The following SUFU variants were observed in gnomAD, a reference collection of about 807,000 sequenced individuals.
SUFU encodes the protein SUFU negative regulator of hedgehog signaling, also known as suppressor of fused homolog.
Under a neutral mutation model 58.9 loss-of-function variants are expected in SUFU, and 7 were observed. The observed-to-expected ratio is 0.12, with a 90% CI of 0.07 to 0.22. The LOEUF is 0.22. Ranked by LOEUF, SUFU falls within the 10% of genes least tolerant of loss-of-function variation. The pLI is 1.00. For missense variants in SUFU, 451 were observed against 641.3 expected (o/e 0.70, Z 3.20); for synonymous variants, 232 against 254.8 (o/e 0.91, Z 0.85).
At chr10:102,529,912 TCCA>T in intron 2 of SUFU, among the ~76,000 whole-genome samples, 1 of 148,666 alleles carries the variant, frequency 6.7e-6, no homozygotes, top group East Asian at 2.0e-4. Context: ...GCCACTGCAC[TCCA>T]GCCTAGCGAC....
In SUFU at chr10:102,579,119, T is replaced by TA. The variant is rs139597535; in HGVS notation, c.455-13462dup. On this transcript the variant is annotated intron_variant, in intron 3 of 11. Coordinates refer to ENST00000369902, the MANE Select transcript of SUFU (RefSeq NM_016169.4). Reference sequence around the variant, plus strand: ...TCTAAGGGGTAAGCAAGGACCTGTGTACTTTACAGGTGGGCATAGCATATA... The same window carrying TA: ...TCTAAGGGGTAAGCAAGGACCTGTGTAACTTTACAGGTGGGCATAGCATATA... Among the ~76,000 whole-genome samples, 744 of 152,306 alleles carry TA rather than the reference T, an allele frequency of 4.9e-3. 6 individuals carry two copies. Among genetic ancestry groups the TA allele is most frequent in the African/African-American group, 0.017 (708 of 41,572 alleles).
intron 2 of SUFU, among the ~76,000 whole-genome samples, chr10:102,520,655 T>G (rs1364653672): frequency 6.6e-6 from 1 of 152,210 alleles, no homozygotes; most frequent in Non-Finnish European, 1.5e-5. Context: ...CAACAACTGT[T>G]TGGTTTTTTT....
intron 2 of SUFU, among the ~76,000 whole-genome samples, chr10:102,526,993 G>GTTT (rs34862176): frequency 5.3e-4 from 54 of 102,046 alleles, no homozygotes; most frequent in Non-Finnish European, 6.9e-4. Context: ...TATTATTATT[G>GTTT]TTTTTTTTTT....
At chr10:102,577,704 G>A (rs780375287) in intron 3 of SUFU, among the ~76,000 whole-genome samples, 27 of 146,230 alleles carry the variant, frequency 1.8e-4, no homozygotes, top group Non-Finnish European at 3.5e-4. Flanking sequence ...TTTTTGAGAC[G>A]TAGTCTCGCT....
At position 102,617,073 on chromosome 10, in the gene SUFU, A is replaced by G. The variant is rs2063693786; in HGVS notation, c.1158-217A>G. Among the ~76,000 whole-genome samples the G allele has an allele frequency of 6.6e-6, 1 of 152,248 alleles. No individual in the cohort carries two copies. Among genetic ancestry groups the G allele is most frequent in the Non-Finnish European group, 1.5e-5 (1 of 68,042 alleles). Reference sequence around the variant, plus strand: ...TAGCTTTGAGCACTTTGGAAGGATGATGTTAGAGAACTTGTGAGAGGAGCT... The same window carrying G: ...TAGCTTTGAGCACTTTGGAAGGATGGTGTTAGAGAACTTGTGAGAGGAGCT... On this transcript the variant is annotated intron_variant, in intron 9 of 11. Transcript: ENST00000369902. This position sits in a 1 kb window ranked among gnomAD's most constrained non-coding sequence, Gnocchi z 4.4.
rs998423619 is a variant in SUFU at position 102,628,102 on chromosome 10, T to TG, written c.1365+864dup. Among the ~76,000 whole-genome samples the TG allele has an allele frequency of 1.3e-5, 2 of 152,082 alleles. No individual in the cohort carries two copies. The highest frequency in any genetic ancestry group is 6.5e-5 in the Admixed American group (1 of 15,282). ...TGTCCTGTCTGCCAGGAAATGTGCT[T>TG]GGGGGAGAACTCCTTCGCCTCCCAG... On this transcript the variant is annotated intron_variant, in intron 11 of 11. Transcript: ENST00000369902. The surrounding 1 kb of genome is among the most constrained non-coding windows in gnomAD (Gnocchi z 4.5).
At chr10:102,543,599 C>T (rs1409799136) in intron 2 of SUFU, among the ~76,000 whole-genome samples, 1 of 152,172 alleles carries the variant, frequency 6.6e-6, no homozygotes, top group African/African-American at 2.4e-5. Context: ...ATCCCCACTA[C>T]CCCAGTCCTA....
chr10:102,541,119 G>A (rs1390835761), intron 2 of SUFU, among the ~76,000 whole-genome samples: 2 of 151,702 alleles, frequency 1.3e-5, no homozygotes, highest in Non-Finnish European at 2.9e-5. Flanking sequence ...ATTTCTGTTT[G>A]TATTATATTT....
rs544474795 is a variant in SUFU at position 102,516,704 on chromosome 10, C to T, written c.317+7401C>T. Among the ~76,000 whole-genome samples the T allele has an allele frequency of 7.9e-5, 12 of 151,968 alleles. No individual in the cohort carries two copies. In the East Asian group the frequency reaches 2.0e-3, roughly 25 times the overall value. ...CTGGGATTACAGGTGCCCGCCAACA[C>T]GCCCAGCTAATTTTTGTATTTTTAG... On this transcript the variant is annotated intron_variant, in intron 2 of 11. Transcript: ENST00000369902.
At chr10:102,543,881 G>A (rs1255237959) in intron 2 of SUFU, among the ~76,000 whole-genome samples, 1 of 152,174 alleles carries the variant, frequency 6.6e-6, no homozygotes, top group Non-Finnish European at 1.5e-5. Context: ...TGAGGAAACT[G>A]ACACACAGAA....
chr10:102,594,039 A>C lies in SUFU; in HGVS notation c.730A>C (p.Ile244Leu). The change falls in exon 6 of 12, where the codon ATA becomes CTA. Residue 244 changes from isoleucine to leucine, a missense_variant. Ile to Leu is a conservative substitution (Grantham distance 5, BLOSUM62 2). Transcript: ENST00000369902. ...AACTGACATGCGGAGGGGAGAGACC[A>C]TATTTGAGATCGATCCACACCTGCA... The part of the protein sequence containing the change: ...LITDMRRGET[I>L]FEIDPHLQER... The C allele has an allele frequency of 6.2e-7, 1 of 1,613,572 alleles. No individual in the cohort carries two copies. The highest frequency in any genetic ancestry group is 8.5e-7 in the Non-Finnish European group (1 of 1,179,810).
At chr10:102,541,559 T>G (rs1590010082) in intron 2 of SUFU, among the ~76,000 whole-genome samples, 1 of 150,820 alleles carries the variant, frequency 6.6e-6, no homozygotes, top group East Asian at 2.0e-4. Flanking sequence ...CCACCACGCC[T>G]GGCAAATTTT....
At chr10:102,538,000 A>G (rs2062761097) in intron 2 of SUFU, among the ~76,000 whole-genome samples, 1 of 152,244 alleles carries the variant, frequency 6.6e-6, no homozygotes, top group South Asian at 2.1e-4. Flanking sequence ...CAGCTGTATC[A>G]TCTTACATTT....
intron 3 of SUFU, among the ~76,000 whole-genome samples, chr10:102,550,588 T>C (rs2062902428): frequency 6.6e-6 from 1 of 152,162 alleles, no homozygotes; most frequent in Admixed American, 6.5e-5. Context: ...ACCACCTGCC[T>C]CTGAACTACC....
At chr10:102,620,880 G>A (rs956317623) in intron 10 of SUFU, among the ~76,000 whole-genome samples, 33 of 152,308 alleles carry the variant, frequency 2.2e-4, no homozygotes, top group African/African-American at 7.5e-4. Context: ...AGCCCCAGCG[G>A]TCACATAGGG....
intron 8 of SUFU, among the ~76,000 whole-genome samples, chr10:102,600,211 C>T (rs532214005): frequency 6.6e-6 from 1 of 152,302 alleles, no homozygotes; most frequent in African/African-American, 2.4e-5. Flanking sequence ...TGCCCTTAGT[C>T]CCAGGGCAGC....
intron 2 of SUFU, among the ~76,000 whole-genome samples, chr10:102,529,855 G>A (rs2135692781): frequency 6.6e-6 from 1 of 150,624 alleles, no homozygotes; most frequent in African/African-American, 2.4e-5. Context: ...TGAGGCAGGA[G>A]AATCGCTTGA....
At chr10:102,622,161 C>T (rs975944348) in intron 10 of SUFU, among the ~76,000 whole-genome samples, 3 of 152,236 alleles carry the variant, frequency 2.0e-5, no homozygotes, top group African/African-American at 7.2e-5. Flanking sequence ...GATCCATTGC[C>T]CCCCTCGCAG....
intron 8 of SUFU, among the ~76,000 whole-genome samples, chr10:102,613,977 C>T (rs886543596): frequency 1.3e-5 from 2 of 152,244 alleles, no homozygotes; most frequent in South Asian, 4.1e-4. Context: ...TTCTGCTTTC[C>T]AGCCAAGCCC....
Sources: gnomAD v4.1 joint callset for allele counts (sites outside exome capture counted in the v4.1 genomes callset) on GRCh38, gnomAD v4.1.1 for gene constraint, Gnocchi (gnomAD v3.1) non-coding constraint, MANE v1.5 for transcripts, NCBI Gene and HGNC (gene_info 2026-07-23, HGNC 2026-07-21) for gene names.